The following AQP7B variants were observed in gnomAD, a reference collection of about 807,000 sequenced individuals.
The protein encoded by AQP7B is aquaporin 7B, also known as putative aquaporin-7B.
chr2:94,590,789 GA>G, the AQP7B span, among the ~76,000 whole-genome samples: 2 of 151,008 alleles, frequency 1.3e-5, no homozygotes, highest in Admixed American at 6.6e-5. Flanking sequence ...CAAAAAATAA[GA>G]AAAAATAGCC....
chr2:94,601,869 G>T, the AQP7B span, among the ~76,000 whole-genome samples: 3 of 152,094 alleles, frequency 2.0e-5, no homozygotes, highest in Non-Finnish European at 4.4e-5. Flanking sequence ...CTGAAGGTAG[G>T]CCCCTTCCCC....
At chr2:94,600,721 T>C in the AQP7B span, among the ~76,000 whole-genome samples, 33 of 151,936 alleles carry the variant, frequency 2.2e-4, no homozygotes, top group African/African-American at 7.5e-4. Flanking sequence ...CTACTAAAAA[T>C]ACAAAAAAAT....
the AQP7B span, among the ~76,000 whole-genome samples, chr2:94,598,641 T>G: frequency 6.6e-6 from 1 of 152,208 alleles, no homozygotes; most frequent in Non-Finnish European, 1.5e-5. Flanking sequence ...AGGCCAGTGT[T>G]GCCTGAGCTG....
At chr2:94,602,398 G>A in the AQP7B span, 1 of 1,310,790 alleles carries the variant, frequency 7.6e-7, no homozygotes. Context: ...GGAGGCCCAG[G>A]GCATGGGGGT....
At chr2:94,593,328 T>C in the AQP7B span, among the ~76,000 whole-genome samples, 1 of 151,664 alleles carries the variant, frequency 6.6e-6, no homozygotes, top group East Asian at 2.0e-4. Context: ...GACTGGCATG[T>C]GCAAAGGCCT....
chr2:94,589,236 T>A, the AQP7B span, among the ~76,000 whole-genome samples: 3 of 151,088 alleles, frequency 2.0e-5, no homozygotes, highest in African/African-American at 7.3e-5. Flanking sequence ...CTTGAACTCC[T>A]GACCTCAGGT....
chr2:94,597,850 C>T, the AQP7B span, among the ~76,000 whole-genome samples: 1 of 152,070 alleles, frequency 6.6e-6, no homozygotes, highest in African/African-American at 2.4e-5. Context: ...AGTGATCCTC[C>T]CACCTCGGCC....
chr2:94,597,021 G>A, the AQP7B span, among the ~76,000 whole-genome samples: 10 of 152,106 alleles, frequency 6.6e-5, no homozygotes, highest in African/African-American at 2.2e-4. Context: ...CTTCCTTATT[G>A]GTTAACAGGA....
At chr2:94,592,501 A>G in the AQP7B span, among the ~76,000 whole-genome samples, 1 of 152,118 alleles carries the variant, frequency 6.6e-6, no homozygotes, top group Non-Finnish European at 1.5e-5. Flanking sequence ...GCAGCATCGT[A>G]TAGGGATCTC....
chr2:94,603,055 C>T, the AQP7B span: 14 of 1,597,504 alleles, frequency 8.8e-6, no homozygotes, highest in South Asian at 1.1e-4. Flanking sequence ...ATGAATGCAG[C>T]TGTGACCTTC....
chr2:94,600,909 C>T, the AQP7B span, among the ~76,000 whole-genome samples: 29 of 151,480 alleles, frequency 1.9e-4, no homozygotes, highest in Admixed American at 5.9e-4. Flanking sequence ...GGCTGCGTGC[C>T]GAGGCACATG....
the AQP7B span, among the ~76,000 whole-genome samples, chr2:94,590,944 CAAAAAAAAA>C: frequency 6.1e-5 from 3 of 49,086 alleles, no homozygotes; most frequent in Admixed American, 2.3e-4. Flanking sequence ...GACCCTGTCT[CAAAAAAAAA>C]AAAAAAAAAA....
the AQP7B span, among the ~76,000 whole-genome samples, chr2:94,591,807 G>A: frequency 6.6e-6 from 1 of 151,972 alleles, no homozygotes; most frequent in Non-Finnish European, 1.5e-5. Context: ...TTCTTTTCTT[G>A]ACCTAAATTT....
At chr2:94,603,320 T>C in the AQP7B span, 4 of 1,520,302 alleles carry the variant, frequency 2.6e-6, no homozygotes, top group Non-Finnish European at 2.7e-6. Context: ...TATAACCTCA[T>C]TTCTGGGACC....
chr2:94,592,990 A>AT, the AQP7B span, among the ~76,000 whole-genome samples: 2 of 151,164 alleles, frequency 1.3e-5, no homozygotes, highest in Non-Finnish European at 2.9e-5. Context: ...CACCTGACTA[A>AT]TTTTTGTATT....
the AQP7B span, among the ~76,000 whole-genome samples, chr2:94,588,355 C>T: frequency 1.3e-3 from 199 of 152,062 alleles, 3 homozygotes; most frequent in South Asian, 0.04. Context: ...CCACTCCTCC[C>T]TCCCTGTTGC....
chr2:94,604,420 G>A, the AQP7B span: 3,165 of 1,610,658 alleles, frequency 2.0e-3, 22 homozygotes, highest in African/African-American at 0.018. Context: ...ACTCTGTGGC[G>A]TATGAAGACC....
At chr2:94,603,805 A>G in the AQP7B span, 51 of 1,519,784 alleles carry the variant, frequency 3.4e-5, no homozygotes, top group Admixed American at 8.6e-4. Flanking sequence ...GCTGGTGATA[A>G]GCATCCTCGT....
the AQP7B span, among the ~76,000 whole-genome samples, chr2:94,599,619 C>T: frequency 1.1e-3 from 172 of 152,230 alleles, 3 homozygotes; most frequent in Admixed American, 4.1e-3. Context: ...TGGAGGACCC[C>T]TCCACTTCTG....
Sources: gnomAD v4.1 joint callset for allele counts (sites outside exome capture counted in the v4.1 genomes callset) on GRCh38, gnomAD v4.1.1 for gene constraint, MANE v1.5 for transcripts, NCBI Gene and HGNC (gene_info 2026-07-23, HGNC 2026-07-21) for gene names.